Variants in CHTF18 observed in about 807,000 individuals in gnomAD.
The protein encoded by CHTF18 is chromosome transmission fidelity protein 18 homolog.
Under a neutral mutation model 113.4 loss-of-function variants are expected in CHTF18, and 151 were observed. The observed-to-expected ratio is 1.33, with a 90% CI of 1.17 to 1.52. CHTF18 has a LOEUF of 1.52. Ranked by LOEUF, CHTF18 falls within the 40% of genes most tolerant of loss-of-function variation. The pLI is 0.00. For missense variants in CHTF18, 1,982 were observed against 1,381.6 expected, an observed-to-expected ratio of 1.43 and a Z score of -6.89; for synonymous variants, 916 against 598.8, an observed-to-expected ratio of 1.53 and a Z score of -7.74.
chr16:791,337 T>C lies in CHTF18; in HGVS notation c.1071T>C (p.Ala357=), dbSNP rs373409796. The stretch of plus-strand genomic sequence containing the variant: ...AGGTGCTGGAGGAGATGCTGGAGGC[T>C]GGGCTGGACCCGAGCCAGCGACCGA... The part of the protein sequence containing the change: ...HEQVLEEMLE[A]GLDPSQRPKQ... Residue 357 remains alanine (A), a synonymous_variant, in exon 8 of 22, where the codon GCT becomes GCC. Coordinates refer to ENST00000262315, the MANE Select transcript of CHTF18 (RefSeq NM_022092.3). 50 of 1,608,060 alleles carry C rather than the reference T, an allele frequency of 3.1e-5. No individual in the cohort carries two copies. Among genetic ancestry groups the C allele is most frequent in the East Asian group, 1.3e-4 (6 of 44,808 alleles).
Position 792,140 on chromosome 16 carries a change from C to T in CHTF18, c.1203-84C>T, listed in dbSNP as rs926875888. 6.8e-5 allele frequency: 103 copies of T among 1,525,088 alleles called. 1 individual carries two copies. In the East Asian group the frequency reaches 9.6e-4, roughly 14 times the overall value. The allele number at this position is 1,525,088 out of a possible 1,614,324, so 94.5% of individuals were successfully genotyped here. ...CAGCCGCGTCATGTGACGGTCTCCA[C>T]GCAAATGCGGCAGCCCCGGCCTTGG... On this transcript the variant is annotated intron_variant, in intron 9 of 21. Coordinates refer to ENST00000262315, the MANE Select transcript of CHTF18 (RefSeq NM_022092.3).
At chr16:789,431 C>G in intron 3 of CHTF18, 71 bp downstream of exon 3, 3 of 1,534,320 alleles carry the variant, frequency 2.0e-6, no homozygotes, top group Non-Finnish European at 2.6e-6. Context: ...ATCCCGTGCC[C>G]TGGATGAGGC....
intron 1 of CHTF18, 74 bp downstream of exon 1, chr16:788,849 CG>C: frequency 2.0e-6 from 3 of 1,521,488 alleles, no homozygotes; most frequent in South Asian, 2.4e-5. Flanking sequence ...GAGGGCGTGC[CG>C]GGGGCCGAAG....
rs200233056 is a variant in CHTF18 at position 793,165 on chromosome 16, C to T, written c.1693C>T (p.Arg565Trp). The change falls in exon 14 of 22, where the codon CGG becomes TGG. Residue 565 changes from arginine (R) to tryptophan (W), a missense_variant. Arg to Trp is a moderately radical substitution (Grantham distance 101). Transcript: ENST00000262315. Reference protein sequence around the residue: ...TLQFLYSRGQRELSVRDVQAT... With the variant: ...TLQFLYSRGQWELSVRDVQAT... Reference sequence around the variant, plus strand: ...CTAGTTCCTGTACAGCCGGGGCCAGCGGGAGCTGAGCGTGCGGGACGTGCA... The same window carrying T: ...CTAGTTCCTGTACAGCCGGGGCCAGTGGGAGCTGAGCGTGCGGGACGTGCA... 1,518 of 1,605,150 alleles carry T rather than the reference C, an allele frequency of 9.5e-4. 1 individual carries two copies. Among genetic ancestry groups the T allele is most frequent in the Non-Finnish European group, 1.1e-3 (1,342 of 1,177,114 alleles).
chr16:790,280 C>A lies in CHTF18; in HGVS notation c.699+11C>A. On this transcript the variant is annotated intron_variant, in intron 5 of 21. Coordinates refer to ENST00000262315, the MANE Select transcript of CHTF18 (RefSeq NM_022092.3). ...CAGGTCGACGGCGAGGTAGGGGCTGCGGGTTTGCTGGGGGGCGGTGGCGGG... is the reference window on the plus strand; with the variant it reads ...CAGGTCGACGGCGAGGTAGGGGCTGAGGGTTTGCTGGGGGGCGGTGGCGGG... 6.2e-7 allele frequency: 1 copy of A among 1,607,728 alleles called. No individual in the cohort carries two copies.
At chr16:794,902 G>A (rs2151647922) in intron 15 of CHTF18, 1 of 567,494 alleles carries the variant, frequency 1.8e-6, no homozygotes, top group East Asian at 3.0e-5. Context: ...GCTGTAGCGA[G>A]GATGCTCAGG....
At chr16:789,180 C>G in intron 2 of CHTF18, 30 bp from the exon 3 acceptor site, 1 of 1,550,230 alleles carries the variant, frequency 6.5e-7, no homozygotes, top group Non-Finnish European at 8.7e-7. Flanking sequence ...GCTGAGGAGG[C>G]CTCTGGTTCC....
Position 793,044 on chromosome 16 carries a change from G to T in CHTF18, c.1651G>T (p.Ala551Ser). ...TGAGAAAACTGACAATGACATCCGG[G>T]CCTGCATCAACACCCTGCAGGTGGG... ...LCEKTDNDIR[A>S]CINTLQFLYS... The change falls in exon 13 of 22, where the codon GCC becomes TCC. Residue 551 changes from alanine to serine, a missense_variant. Coordinates refer to ENST00000262315, the MANE Select transcript of CHTF18 (RefSeq NM_022092.3). The T allele has an allele frequency of 6.7e-7, 1 of 1,500,354 alleles. No individual in the cohort carries two copies. Among genetic ancestry groups the T allele is most frequent in the Non-Finnish European group, 9.0e-7 (1 of 1,113,744 alleles). 92.9% of individuals were successfully genotyped at this position (1,500,354 alleles called of 1,614,324 possible).
rs750613457 is a variant in CHTF18, at chr16:792,331, T to C, written c.1310T>C (p.Ile437Thr). 5.2e-6 allele frequency: 8 copies of C among 1,552,910 alleles called. No homozygotes were observed. Among genetic ancestry groups the C allele is most frequent in the Non-Finnish European group, 6.1e-6 (7 of 1,148,734 alleles). The change falls in exon 10 of 22, where the codon ATC (isoleucine) becomes ACC (threonine). Residue 437 changes from isoleucine to threonine, a missense_variant. Ile to Thr is a moderately conservative substitution (Grantham distance 89). Transcript: ENST00000262315. ...GKPNCLVIDE[I>T]DGAPVAAINV... is the part of the protein sequence containing the mutation. ...CCCAACTGCCTGGTCATCGATGAGA[T>C]CGACGGGGCCCCCGTGGTGGGCTCC...
intron 8 of CHTF18, 45 bp from the exon 9 acceptor site, chr16:791,806 C>G: frequency 1.3e-6 from 2 of 1,557,800 alleles, no homozygotes; most frequent in South Asian, 1.2e-5. Context: ...CGGGAGCGTC[C>G]TGTAGGTGCG....
rs759566651 is a variant in CHTF18 at position 790,652 on chromosome 16, C to T, written c.880C>T (p.Leu294=). The T allele has an allele frequency of 3.2e-6, 5 of 1,584,136 alleles. No homozygotes were observed. Among genetic ancestry groups the T allele is most frequent in the South Asian group, 1.2e-5 (1 of 85,692 alleles). The change falls in exon 7 of 22, where the codon CTG becomes TTG. Residue 294 remains leucine, a synonymous_variant. Transcript: ENST00000262315. ...DEFAPRHYTE[L]LSDDFTNRCL... is the part of the protein sequence containing the mutation. ...GTTTGCACCCCGCCACTACACGGAG[C>T]TGCTCAGTGATGACGTGAGGTCTTG...
chr16:793,576 C>T (rs2042259867), intron 14 of CHTF18: 2 of 556,238 alleles, frequency 3.6e-6, no homozygotes, highest in Admixed American at 3.1e-5. Context: ...GTCCCAGTTG[C>T]ACCCTCATTT....
intron 9 of CHTF18, 28 bp from the exon 10 acceptor site, chr16:792,196 C>T (rs903058226): frequency 4.6e-5 from 71 of 1,558,868 alleles, no homozygotes; most frequent in Non-Finnish European, 6.0e-5. Flanking sequence ...GCCCACTGCC[C>T]TGACGACCCC....
In CHTF18 at chr16:792,227, C is replaced by T. The variant is rs1230769833; in HGVS notation, c.1206C>T (p.Asp402=). The change falls in exon 10 of 22, where the codon GAC becomes GAT. Residue 402 remains aspartate, a synonymous_variant. Coordinates refer to ENST00000262315, the MANE Select transcript of CHTF18 (RefSeq NM_022092.3). ...ACCCCTGACCTCCCCATTGCAGTGACGACCGTAGCCCGGAGGTCTTCCGCA... is the reference window on the plus strand; with the variant it reads ...ACCCCTGACCTCCCCATTGCAGTGATGACCGTAGCCCGGAGGTCTTCCGCA... The part of the protein sequence containing the change: ...GYSVVEMNAS[D]DRSPEVFRTR... 9.6e-6 allele frequency: 15 copies of T among 1,570,570 alleles called. No homozygotes were observed. Among genetic ancestry groups the T allele is most frequent in the Non-Finnish European group, 1.3e-5 (15 of 1,158,892 alleles).
chr16:796,891 G>A (rs1447079873), intron 19 of CHTF18, 30 bp downstream of exon 19: 3 of 1,569,944 alleles, frequency 1.9e-6, no homozygotes, highest in Non-Finnish European at 2.6e-6. Flanking sequence ...GGAGCAGGTT[G>A]CAGTCTGGGC....
At chr16:795,004 G>A in intron 15 of CHTF18, 128 bp from the exon 16 acceptor site, 1 of 727,684 alleles carries the variant, frequency 1.4e-6, no homozygotes, top group Non-Finnish European at 2.3e-6. Context: ...CCCTTGTGGA[G>A]GGTCTGCGAA....
chr16:796,758 G>T lies in CHTF18; in HGVS notation c.2498G>T (p.Arg833Leu). The change falls in exon 19 of 22, where the codon CGC (arginine) becomes CTC (leucine). Residue 833 changes from arginine (R) to leucine (L), a missense_variant. By Grantham distance (102) the Arg-to-Leu change is moderately radical. Transcript: ENST00000262315. The part of the protein sequence containing the change: ...ELCRFPELPA[R>L]KPLTYQTKQL... ...TGCCGCTTCCCTGAGCTGCCTGCCCGCAAGCCCCTCACCTACCAGACGAAG... is the reference window on the plus strand; with the variant it reads ...TGCCGCTTCCCTGAGCTGCCTGCCCTCAAGCCCCTCACCTACCAGACGAAG... 2.5e-6 allele frequency: 4 copies of T among 1,607,282 alleles called. No homozygotes were observed. The highest frequency in any genetic ancestry group is 1.3e-5 in the African/African-American group (1 of 75,024).
chr16:791,963 G>C lies in CHTF18; in HGVS notation c.1202+15G>C. ...ATGAACGCCAGGTGAGTGATGTGAG[G>C]TCCGTCTCTGGCTCGCCTTCTGTCC... On this transcript the variant is annotated intron_variant, in intron 9 of 21. Coordinates refer to ENST00000262315, the MANE Select transcript of CHTF18 (RefSeq NM_022092.3). 6.3e-7 allele frequency: 1 copy of C among 1,599,276 alleles called. No homozygotes were observed.
rs536812441 is a variant in CHTF18, at chr16:790,418, C to T, written c.752+19C>T. The T allele has an allele frequency of 1.2e-6, 2 of 1,612,260 alleles. No homozygotes were observed. Among genetic ancestry groups the T allele is most frequent in the African/African-American group, 2.7e-5 (2 of 75,048 alleles). ...TGCACAGGTGACTTGGTTGGCCCTT[C>T]CGCCCTGGGGACCCTTGTTGGCTCT... On this transcript the variant is annotated intron_variant, in intron 6 of 21. Transcript: ENST00000262315.
Sources: allele counts gnomAD v4.1 joint callset, GRCh38; gene constraint gnomAD v4.1.1; transcripts MANE v1.5; gene names NCBI Gene and HGNC (gene_info 2026-07-23, HGNC 2026-07-21).